RNF220: variants seen among roughly 807,000 people sequenced by gnomAD.
RNF220 encodes ring finger protein 220.
Under a neutral mutation model 67.1 loss-of-function variants are expected in RNF220, and 7 were observed. The observed-to-expected ratio is 0.10, with a 90% CI of 0.06 to 0.20. RNF220 has a LOEUF of 0.20. Among genes scored for constraint, RNF220 ranks in the 10% least tolerant of loss-of-function variants. The pLI, the probability that RNF220 is intolerant of heterozygous loss-of-function variation, is 1.00. For missense variants in RNF220, 565 were observed against 740.3 expected, an observed-to-expected ratio of 0.76 and a Z score of 2.75; for synonymous variants, 270 against 283.2, an observed-to-expected ratio of 0.95 and a Z score of 0.47.
intron 2 of RNF220, among the ~76,000 whole-genome samples, chr1:44,430,749 C>G (rs553593261): frequency 1.5e-4 from 23 of 152,108 alleles, no homozygotes; most frequent in Non-Finnish European, 2.8e-4. Context: ...GTTTCACCAT[C>G]TTGGCCAGGC....
At chr1:44,563,731 G>T (rs1264232177) in intron 2 of RNF220, among the ~76,000 whole-genome samples, 2 of 152,152 alleles carry the variant, frequency 1.3e-5, no homozygotes, top group African/African-American at 4.8e-5. Context: ...TATTTCAAAA[G>T]GTTGTTGTAC....
chr1:44,512,038 G>A (rs1404481416), intron 2 of RNF220, among the ~76,000 whole-genome samples: 2 of 152,140 alleles, frequency 1.3e-5, no homozygotes, highest in African/African-American at 4.8e-5. Flanking sequence ...TAATGGGTGT[G>A]CCACAAGTGG....
At chr1:44,535,084 CT>C (rs1343225269) in intron 2 of RNF220, among the ~76,000 whole-genome samples, 1 of 149,534 alleles carries the variant, frequency 6.7e-6, no homozygotes, top group Non-Finnish European at 1.5e-5. Context: ...GGGGGAACAA[CT>C]TCATTACATT....
intron 2 of RNF220, among the ~76,000 whole-genome samples, chr1:44,529,971 T>C (rs1345614146): frequency 6.6e-6 from 1 of 151,902 alleles, no homozygotes. Context: ...GGAGAATCGC[T>C]TGAACCAGGG....
intron 3 of RNF220, among the ~76,000 whole-genome samples, chr1:44,620,376 T>G (rs1643743184): frequency 6.6e-6 from 1 of 152,232 alleles, no homozygotes; most frequent in Non-Finnish European, 1.5e-5. Flanking sequence ...CTGATCCAAC[T>G]GGAGATAATA....
intron 4 of RNF220, among the ~76,000 whole-genome samples, chr1:44,625,026 T>TGA (rs71665956): frequency 0.027 from 3,961 of 147,400 alleles, 99 homozygotes; most frequent in Admixed American, 0.071. Context: ...CTAGAGAGAA[T>TGA]GAGAGAGAGA....
At chr1:44,577,078 A>C (rs1329008292) in intron 2 of RNF220, among the ~76,000 whole-genome samples, 3 of 152,214 alleles carry the variant, frequency 2.0e-5, no homozygotes, top group African/African-American at 7.2e-5. Flanking sequence ...GCAGATTCAA[A>C]TAGTCAAGAC....
chr1:44,414,293 C>T (rs1648300450), intron 2 of RNF220, among the ~76,000 whole-genome samples: 1 of 152,214 alleles, frequency 6.6e-6, no homozygotes, highest in Admixed American at 6.5e-5. Flanking sequence ...ATAATGTGAC[C>T]TCCAGCCAAA....
chr1:44,497,207 A>G lies in RNF220; in HGVS notation c.625+84485A>G, dbSNP rs148552177. Among the ~76,000 whole-genome samples the G allele has an allele frequency of 2.4e-3, 368 of 152,266 alleles. 1 individual carries two copies. Among genetic ancestry groups the G allele is most frequent in the Non-Finnish European group, 3.2e-3 (219 of 68,026 alleles). On this transcript the variant is annotated intron_variant, in intron 2 of 14. Transcript: ENST00000361799. ...CTAGAGGTCCCGTTAAAACAATGCC[A>G]TCATGACAGACATATTTGATATGTT...
chr1:44,437,109 A>G (rs1429845230), intron 2 of RNF220, among the ~76,000 whole-genome samples: 1 of 152,240 alleles, frequency 6.6e-6, no homozygotes, highest in East Asian at 1.9e-4. Context: ...AGAAGTAAGT[A>G]TTTAGAAGAC....
At position 44,645,293 on chromosome 1, in the gene RNF220, G is replaced by C; in HGVS notation, c.1366+17G>C. 2.5e-6 allele frequency: 4 copies of C among 1,614,042 alleles called. No homozygotes were observed. The highest frequency in any genetic ancestry group is 1.6e-4 in the Middle Eastern group (1 of 6,062). On this transcript the variant is annotated intron_variant, in intron 11 of 14. Coordinates refer to ENST00000361799, the MANE Select transcript of RNF220 (RefSeq NM_018150.4). The surrounding 1 kb of genome is among the most constrained non-coding windows in gnomAD (Gnocchi z 5.0). The stretch of plus-strand genomic sequence containing the variant: ...CCAGTGATGGTAAGTCCTGCCCCAG[G>C]TTAGGAGTAATGGGGGAGAGGGGGT...
At position 44,424,065 on chromosome 1, in the gene RNF220, T is replaced by G. The variant is rs531809833; in HGVS notation, c.625+11343T>G. On this transcript the variant is annotated intron_variant, in intron 2 of 14. Transcript: ENST00000361799. ...CTGAGCTCCTGTGTGTAGAGCGTTG[T>G]GCTCGGTGCTGTTTGCAAGGGAATC... The G allele has an allele frequency of 1.0e-4, 101 of 970,364 alleles. 1 individual carries two copies. In the South Asian group the frequency reaches 4.1e-3, roughly 39 times the overall value. 60.1% of individuals were successfully genotyped at this position (970,364 alleles called of 1,614,324 possible).
At chr1:44,509,335 G>T (rs1334798298) in intron 2 of RNF220, among the ~76,000 whole-genome samples, 1 of 152,052 alleles carries the variant, frequency 6.6e-6, no homozygotes, top group Non-Finnish European at 1.5e-5. Flanking sequence ...CAGATCACGA[G>T]GTCAGGAGAT....
intron 2 of RNF220, among the ~76,000 whole-genome samples, chr1:44,548,113 G>C (rs74782855): frequency 6.6e-6 from 1 of 152,042 alleles, no homozygotes; most frequent in Non-Finnish European, 1.5e-5. Flanking sequence ...CCCATGTCTC[G>C]TTAGTCACGA....
rs186991573 is a variant in RNF220, at chr1:44,526,696, C to T, written c.626-87469C>T. On this transcript the variant is annotated intron_variant, in intron 2 of 14. Transcript: ENST00000361799. Reference sequence around the variant, plus strand: ...GCCTTCACACACCCTCAAATCTCCCCTTTAAATCTTCTTTTAATCTTAACT... The same window carrying T: ...GCCTTCACACACCCTCAAATCTCCCTTTTAAATCTTCTTTTAATCTTAACT... Among the ~76,000 whole-genome samples the T allele has an allele frequency of 2.3e-3, 349 of 152,308 alleles. 1 individual carries two copies. The highest frequency in any genetic ancestry group is 8.2e-3 in the African/African-American group (340 of 41,566).
intron 2 of RNF220, among the ~76,000 whole-genome samples, chr1:44,415,298 G>A (rs562834792): frequency 1.3e-5 from 2 of 151,704 alleles, no homozygotes; most frequent in South Asian, 2.1e-4. Flanking sequence ...CTACAGAACC[G>A]TTTTGAAATA....
At chr1:44,507,328 C>T (rs1658521380) in intron 2 of RNF220, among the ~76,000 whole-genome samples, 1 of 152,150 alleles carries the variant, frequency 6.6e-6, no homozygotes, top group Non-Finnish European at 1.5e-5. Flanking sequence ...CTTTAAGCTA[C>T]AGGAGGCTGA....
At chr1:44,482,132 A>G (rs1170723226) in intron 2 of RNF220, among the ~76,000 whole-genome samples, 1 of 152,216 alleles carries the variant, frequency 6.6e-6, no homozygotes, top group Non-Finnish European at 1.5e-5. Flanking sequence ...TTAAAAGGTT[A>G]ATTTTCCTAA....
chr1:44,448,436 G>A (rs1177464927), intron 2 of RNF220, among the ~76,000 whole-genome samples: 1 of 152,228 alleles, frequency 6.6e-6, no homozygotes, highest in Non-Finnish European at 1.5e-5. Context: ...TCTGGTCTTT[G>A]ATAAATTTGA....
Sources: allele counts gnomAD v4.1 joint callset (sites outside exome capture counted in the v4.1 genomes callset), GRCh38; gene constraint gnomAD v4.1.1; non-coding constraint Gnocchi (gnomAD v3.1); transcripts MANE v1.5; gene names NCBI Gene and HGNC (gene_info 2026-07-23, HGNC 2026-07-21).